Variants in RAB11A observed in about 807,000 individuals in gnomAD.
The protein encoded by RAB11A is ras-related protein Rab-11A.
Under a neutral mutation model 28.0 loss-of-function variants are expected in RAB11A, and 9 were observed. That is an observed-to-expected ratio of 0.32 (90% confidence interval 0.19 to 0.56). RAB11A has a LOEUF of 0.56. RAB11A is among the 20% of genes least tolerant of loss of function. The pLI is 0.91. For missense variants in RAB11A, 108 were observed against 269.6 expected, an observed-to-expected ratio of 0.40 and a Z score of 4.20; for synonymous variants, 85 against 88.2, an observed-to-expected ratio of 0.96 and a Z score of 0.20.
At position 65,888,147 on chromosome 15, in the gene RAB11A, C is replaced by T. The variant is rs528252563; in HGVS notation, c.*307C>T. 3 of 226,076 alleles carry T rather than the reference C, an allele frequency of 1.3e-5. No individual in the cohort carries two copies. Among genetic ancestry groups the T allele is most frequent in the Non-Finnish European group, 2.6e-5 (3 of 116,972 alleles). 14.0% of individuals were successfully genotyped at this position (226,076 alleles called of 1,614,324 possible). ...TATGTAGGACATAATAGAACTTGATCACTTGAAGCTCAGACCTATTGGTCT... is the reference window on the plus strand; with the variant it reads ...TATGTAGGACATAATAGAACTTGATTACTTGAAGCTCAGACCTATTGGTCT... On this transcript the variant is annotated 3_prime_UTR_variant, in exon 5 of 5. Coordinates refer to ENST00000261890, the MANE Select transcript of RAB11A (RefSeq NM_004663.5).
At chr15:65,884,910 G>A (rs1468455272) in intron 4 of RAB11A, among the ~76,000 whole-genome samples, 2 of 151,154 alleles carry the variant, frequency 1.3e-5, no homozygotes, top group East Asian at 3.9e-4. Context: ...TCAAAGGCAT[G>A]TTCTCCTTTA....
Position 65,879,686 on chromosome 15 carries a change from C to A in RAB11A, c.446C>A (p.Ser149Ter). ...ARAFAEKNGL[S>*]FIETSALDST... ...CTCCCCTCAGAAAAGAATGGTTTGT[C>A]ATTCATTGAAACTTCGGCCCTAGAC... The change falls in exon 4 of 5, where the codon TCA (serine) becomes TAA (stop). Residue 149 changes from serine to a stop codon, truncating the protein, a stop_gained. Coordinates refer to ENST00000261890, the MANE Select transcript of RAB11A (RefSeq NM_004663.5). LOFTEE classifies it high-confidence loss of function. 1 of 1,595,498 alleles carries A rather than the reference C, an allele frequency of 6.3e-7. No homozygotes were observed. Among genetic ancestry groups the A allele is most frequent in the Non-Finnish European group, 8.6e-7 (1 of 1,164,824 alleles).
intron 1 of RAB11A, among the ~76,000 whole-genome samples, 197 bp downstream of exon 1, chr15:65,869,822 G>A (rs2078147375): frequency 6.6e-6 from 1 of 152,160 alleles, no homozygotes; most frequent in South Asian, 2.1e-4. Context: ...GCCGCTCTCT[G>A]AGCGACCTCT....
At chr15:65,876,365 C>T (rs1288295026) in intron 1 of RAB11A, among the ~76,000 whole-genome samples, 7 of 152,032 alleles carry the variant, frequency 4.6e-5, no homozygotes, top group East Asian at 3.9e-4. Flanking sequence ...GACACAATCT[C>T]GGCCCACTGC....
At chr15:65,886,129 G>C (rs1290459093) in intron 4 of RAB11A, among the ~76,000 whole-genome samples, 2 of 152,154 alleles carry the variant, frequency 1.3e-5, no homozygotes, top group African/African-American at 4.8e-5. Flanking sequence ...AGGGGGAGAA[G>C]GTCAGAGAGA....
Position 65,877,936 on chromosome 15 carries a change from T to A in RAB11A, c.411T>A (p.Asp137Glu). The A allele has an allele frequency of 6.2e-7, 1 of 1,613,658 alleles. No individual in the cohort carries two copies. Reference sequence around the variant, plus strand: ...GTCATCTCAGGGCAGTTCCTACAGATGAAGCAAGAGCTTTTGCAGGTTAGT... The same window carrying A: ...GTCATCTCAGGGCAGTTCCTACAGAAGAAGCAAGAGCTTTTGCAGGTTAGT... ...DLRHLRAVPT[D>E]EARAFAEKNG... Residue 137 changes from aspartate to glutamate, a missense_variant, in exon 3 of 5, where the codon GAT becomes GAA. Physicochemically the swap from Asp to Glu is conservative, Grantham distance 45. Transcript: ENST00000261890. This position sits in a 1 kb window ranked among gnomAD's most constrained non-coding sequence, Gnocchi z 4.1.
chr15:65,877,546 A>C lies in RAB11A; in HGVS notation c.236+19A>C, dbSNP rs778892735. ...CATCAGCGTAAGTCTCATGGTTTTT[A>C]AGTTCTGTGAAATGGGTTGCCATCG... On this transcript the variant is annotated intron_variant, in intron 2 of 4. Transcript: ENST00000261890. This position sits in a 1 kb window ranked among gnomAD's most constrained non-coding sequence, Gnocchi z 4.1. The C allele has an allele frequency of 6.9e-6, 11 of 1,597,092 alleles. No individual in the cohort carries two copies. The South Asian group carries it at 9.0e-5, about 13-fold the overall frequency.
chr15:65,873,896 G>A (rs371234322), intron 1 of RAB11A, among the ~76,000 whole-genome samples: 43 of 152,148 alleles, frequency 2.8e-4, no homozygotes, highest in African/African-American at 8.4e-4. Context: ...TGCCTTGAAC[G>A]CATTGTATAT....
rs766451400 is a variant in RAB11A, at chr15:65,879,723, A to C, written c.483A>C (p.Val161=). ...CTTCGGCCCTAGACTCTACAAATGT[A>C]GAAGCTGCTTTTCAGACAATTTTAA... is the stretch of plus-strand genomic sequence containing the variant. ...IETSALDSTN[V]EAAFQTILTE... The change falls in exon 4 of 5, where the codon GTA becomes GTC. Residue 161 remains valine (V), a synonymous_variant. Transcript: ENST00000261890. The C allele has an allele frequency of 6.3e-7, 1 of 1,594,840 alleles. No homozygotes were observed.
chr15:65,879,837 A>T, intron 4 of RAB11A, 86 bp downstream of exon 4: 2 of 1,035,122 alleles, frequency 1.9e-6, no homozygotes, highest in Non-Finnish European at 2.9e-6. Flanking sequence ...ACTAAACTAT[A>T]TATCAGCCGA....
At chr15:65,882,657 A>G (rs1251819898) in intron 4 of RAB11A, among the ~76,000 whole-genome samples, 1 of 152,172 alleles carries the variant, frequency 6.6e-6, no homozygotes, top group Non-Finnish European at 1.5e-5. Flanking sequence ...TGGTTTCAGA[A>G]TAGACCCATG....
intron 3 of RAB11A, among the ~76,000 whole-genome samples, chr15:65,878,402 G>A (rs1596786118): frequency 6.6e-6 from 1 of 152,152 alleles, no homozygotes; most frequent in African/African-American, 2.4e-5. Flanking sequence ...AAAGTCTTGC[G>A]GCCGGGCGTG....
At chr15:65,871,280 G>T (rs2078159592) in intron 1 of RAB11A, among the ~76,000 whole-genome samples, 1 of 152,096 alleles carries the variant, frequency 6.6e-6, no homozygotes, top group South Asian at 2.1e-4. Flanking sequence ...AATACTTTTG[G>T]TATCCACCCT....
At position 65,871,919 on chromosome 15, in the gene RAB11A, G is replaced by GTTTTTTTT. The variant is rs960414631; in HGVS notation, c.40+2316_40+2323dup. On this transcript the variant is annotated intron_variant, in intron 1 of 4. Coordinates refer to ENST00000261890, the MANE Select transcript of RAB11A (RefSeq NM_004663.5). Reference sequence around the variant, plus strand: ...GAAAGAAGTTACTGTGGTTTTGTCAGTTTTTTTTTTTTTTTTTTTTTTTTT... The same window carrying GTTTTTTTT: ...GAAAGAAGTTACTGTGGTTTTGTCAGTTTTTTTTTTTTTTTTTTTTTTTTTTTTTTTTT... Among the ~76,000 whole-genome samples, 21 of 72,054 alleles carry GTTTTTTTT rather than the reference G, an allele frequency of 2.9e-4. 1 individual carries two copies. The highest frequency in any genetic ancestry group is 7.8e-4 in the African/African-American group (14 of 17,876). 47.3% of individuals were successfully genotyped at this position (72,054 alleles called of 152,430 possible).
chr15:65,880,211 A>G lies in RAB11A; in HGVS notation c.511+460A>G, dbSNP rs565213583. 7.9e-5 allele frequency among the ~76,000 whole-genome samples: 12 copies of G among 152,338 alleles called. No individual in the cohort carries two copies. The South Asian group carries it at 2.3e-3, about 29-fold the overall frequency. On this transcript the variant is annotated intron_variant, in intron 4 of 4. Coordinates refer to ENST00000261890, the MANE Select transcript of RAB11A (RefSeq NM_004663.5). ...AAGAAGGGTATCCCTTGCGTATTCT[A>G]TATTGTATCATGGGAGATAATTGGT...
In RAB11A at chr15:65,890,050, A is replaced by G. The variant is rs916593741; in HGVS notation, c.*2210A>G. The G allele has an allele frequency of 6.6e-6, 1 of 151,626 alleles. No individual in the cohort carries two copies. The highest frequency in any genetic ancestry group is 1.5e-5 in the Non-Finnish European group (1 of 67,912). The allele number at this position is 151,626 out of a possible 1,614,324, so 9.4% of individuals were successfully genotyped here. A position where few individuals can be genotyped will look rare whatever the true frequency, so the allele number is the denominator to read the frequency against. Reference sequence around the variant, plus strand: ...CTTGACCTTGATTTTCAGTTATTTTAACTTTGAATTTTTTTTTTTTTTTTT... The same window carrying G: ...CTTGACCTTGATTTTCAGTTATTTTGACTTTGAATTTTTTTTTTTTTTTTT... On this transcript the variant is annotated 3_prime_UTR_variant, in exon 5 of 5. Transcript: ENST00000261890.
chr15:65,871,368 A>G (rs964662831), intron 1 of RAB11A, among the ~76,000 whole-genome samples: 1 of 152,240 alleles, frequency 6.6e-6, no homozygotes, highest in Non-Finnish European at 1.5e-5. Context: ...GATTACAAAA[A>G]GTATATGACA....
At position 65,888,008 on chromosome 15, in the gene RAB11A, C is replaced by G; in HGVS notation, c.*168C>G. 1 of 654,702 alleles carries G rather than the reference C, an allele frequency of 1.5e-6. No homozygotes were observed. The highest frequency in any genetic ancestry group is 2.3e-6 in the Non-Finnish European group (1 of 441,504). The allele number at this position is 654,702 out of a possible 1,614,324, so 40.6% of individuals were successfully genotyped here. On this transcript the variant is annotated 3_prime_UTR_variant, in exon 5 of 5. Coordinates refer to ENST00000261890, the MANE Select transcript of RAB11A (RefSeq NM_004663.5). ...TAGCTTTATAAAATCATCCACTTGT[C>G]CCGAATGACTGCAGCTTTTTTTCAT...
intron 4 of RAB11A, among the ~76,000 whole-genome samples, chr15:65,881,503 G>A (rs12594629): frequency 0.12 from 18,491 of 152,102 alleles, 1,975 homozygotes; most frequent in East Asian, 0.62. Flanking sequence ...AAACTTTTTA[G>A]ACAGTCCTCA....
Sources: allele counts gnomAD v4.1 joint callset (sites outside exome capture counted in the v4.1 genomes callset), GRCh38; gene constraint gnomAD v4.1.1; non-coding constraint Gnocchi (gnomAD v3.1); transcripts MANE v1.5; gene names NCBI Gene and HGNC (gene_info 2026-07-23, HGNC 2026-07-21).